CDC73: variants seen among roughly 807,000 people sequenced by gnomAD.
CDC73 encodes parafibromin.
A neutral mutation model predicts 83.7 loss-of-function variants in CDC73; 21 were observed. The observed-to-expected ratio is 0.25, with a 90% CI of 0.18 to 0.36. CDC73 has a LOEUF of 0.36. CDC73 is among the 10% of genes least tolerant of loss of function. The probability of loss-of-function intolerance (pLI) is 1.00; values close to 1 mark genes in which losing one functional copy is unlikely to be tolerated. For missense variants in CDC73, 342 were observed against 653.3 expected, an observed-to-expected ratio of 0.52 and a Z score of 5.19; for synonymous variants, 224 against 212.9, an observed-to-expected ratio of 1.05 and a Z score of -0.45.
At chr1:193,126,475 A>G (rs768977766) in intron 2 of CDC73, among the ~76,000 whole-genome samples, 9 of 152,204 alleles carry the variant, frequency 5.9e-5, no homozygotes, top group Non-Finnish European at 1.0e-4. Context: ...TTGATAAGTA[A>G]ATAAGATTCA....
intron 11 of CDC73, among the ~76,000 whole-genome samples, chr1:193,211,245 T>C (rs1038335467): frequency 6.6e-6 from 1 of 152,202 alleles, no homozygotes; most frequent in African/African-American, 2.4e-5. Flanking sequence ...ATGTCTCCCA[T>C]AAATTTAATG....
chr1:193,247,600 C>G (rs1343219732), intron 15 of CDC73, among the ~76,000 whole-genome samples: 1 of 152,064 alleles, frequency 6.6e-6, no homozygotes, highest in Non-Finnish European at 1.5e-5. Context: ...TTATGCCAAA[C>G]AGCTAAGTTG....
At chr1:193,128,079 G>A (rs1469506925) in intron 2 of CDC73, 2 of 152,110 alleles carry the variant, frequency 1.3e-5, no homozygotes, top group Non-Finnish European at 2.9e-5. Context: ...GTGAGCCACT[G>A]CGTCCGGCTG....
At chr1:193,125,714 C>T (rs1421167964) in intron 2 of CDC73, among the ~76,000 whole-genome samples, 1 of 151,544 alleles carries the variant, frequency 6.6e-6, no homozygotes, top group African/African-American at 2.4e-5. Context: ...GAAACTGGGA[C>T]TATAGGCATG....
chr1:193,205,933 A>C (rs1363213313), intron 11 of CDC73, among the ~76,000 whole-genome samples: 1 of 152,108 alleles, frequency 6.6e-6, no homozygotes, highest in African/African-American at 2.4e-5. Context: ...TTTCTTTGTA[A>C]GGTAGGGATG....
At chr1:193,225,820 T>C (rs1233131984) in intron 13 of CDC73, among the ~76,000 whole-genome samples, 1 of 152,260 alleles carries the variant, frequency 6.6e-6, no homozygotes, top group East Asian at 1.9e-4. Flanking sequence ...GTCAGAGGTA[T>C]AGATTATGAA....
chr1:193,168,942 A>G lies in CDC73; in HGVS notation c.972+16498A>G, dbSNP rs149863916. On this transcript the variant is annotated intron_variant, in intron 10 of 16. Transcript: ENST00000367435. Reference sequence around the variant, plus strand: ...ATTTCGTGTAATTTTTACATTTTAAATAATACTTTTGATTATCTAGATTTT... The same window carrying G: ...ATTTCGTGTAATTTTTACATTTTAAGTAATACTTTTGATTATCTAGATTTT... Among the ~76,000 whole-genome samples the G allele has an allele frequency of 6.6e-5, 10 of 152,324 alleles. No individual in the cohort carries two copies. In the East Asian group the frequency reaches 1.9e-3, roughly 29 times the overall value.
intron 15 of CDC73, among the ~76,000 whole-genome samples, chr1:193,240,037 G>A (rs1331243244): frequency 6.6e-6 from 1 of 151,932 alleles, no homozygotes; most frequent in African/African-American, 2.4e-5. Flanking sequence ...CAACCCTCTA[G>A]TATCTTATCA....
intron 10 of CDC73, among the ~76,000 whole-genome samples, chr1:193,194,765 A>G (rs533299665): frequency 1.3e-5 from 2 of 152,130 alleles, no homozygotes; most frequent in Non-Finnish European, 2.9e-5. Context: ...AAGTTTTTCT[A>G]ATATGCAAGA....
chr1:193,249,494 G>A (rs370355709), intron 15 of CDC73, among the ~76,000 whole-genome samples: 2 of 151,798 alleles, frequency 1.3e-5, no homozygotes, highest in South Asian at 4.1e-4. Flanking sequence ...CTGTGATAAC[G>A]TACCAACCTT....
In CDC73 at chr1:193,175,665, A is replaced by G. The variant is rs545319861; in HGVS notation, c.972+23221A>G. Among the ~76,000 whole-genome samples the G allele has an allele frequency of 1.7e-4, 26 of 152,342 alleles. No homozygotes were observed. The South Asian group carries it at 3.9e-3, about 23-fold the overall frequency. The stretch of plus-strand genomic sequence containing the variant: ...ACTATTTACATAGCATTTAAATTGT[A>G]TTAGGTATCATAAGTAATCTAGAGA... On this transcript the variant is annotated intron_variant, in intron 10 of 16. Transcript: ENST00000367435.
rs1465622860 is a variant in CDC73, at chr1:193,122,305, T to G, written c.105T>G (p.Asn35Lys). 1 of 1,613,982 alleles carries G rather than the reference T, an allele frequency of 6.2e-7. No individual in the cohort carries two copies. The highest frequency in any genetic ancestry group is 8.5e-7 in the Non-Finnish European group (1 of 1,179,976). ...VIFGEFSWPK[N>K]VKTNYVVWGT... ...TCGGGGAGTTCTCCTGGCCCAAGAA[T>G]GTGAAGACCAACTATGTTGTTTGGG... Residue 35 changes from asparagine to lysine, a missense_variant, in exon 1 of 17, where the codon AAT becomes AAG. By Grantham distance (94) the Asn-to-Lys change is moderately conservative (BLOSUM62 0). This residue lies in a region of CDC73 where 99 missense variants were observed against 174.5 expected (regional missense o/e 0.57). Coordinates refer to ENST00000367435, the MANE Select transcript of CDC73 (RefSeq NM_024529.5).
At chr1:193,243,776 A>G (rs925552584) in intron 15 of CDC73, among the ~76,000 whole-genome samples, 4 of 152,220 alleles carry the variant, frequency 2.6e-5, no homozygotes, top group African/African-American at 4.8e-5. Context: ...ATTAAATTCA[A>G]AATGAATAAT....
chr1:193,245,054 A>G (rs899397415), intron 15 of CDC73, among the ~76,000 whole-genome samples: 1 of 152,240 alleles, frequency 6.6e-6, no homozygotes. Context: ...TATGGGGTAC[A>G]TAGTGATATT....
intron 10 of CDC73, chr1:193,181,009 A>C: frequency 1.2e-6 from 2 of 1,613,742 alleles, no homozygotes; most frequent in Non-Finnish European, 1.7e-6. Flanking sequence ...TATTCTTGTG[A>C]TTTGAATACC....
At chr1:193,232,929 G>GT (rs1677686087) in intron 13 of CDC73, 64 bp from the exon 14 acceptor site, 7 of 1,380,510 alleles carry the variant, frequency 5.1e-6, no homozygotes, top group Middle Eastern at 1.9e-4. Flanking sequence ...TCAAATTATA[G>GT]TTTATCTTCC....
At chr1:193,184,226 G>A (rs920525986) in intron 10 of CDC73, among the ~76,000 whole-genome samples, 7 of 151,832 alleles carry the variant, frequency 4.6e-5, no homozygotes, top group Non-Finnish European at 5.9e-5. Context: ...TGAAGTGCAT[G>A]TGTCTAGCCT....
At chr1:193,199,105 A>G (rs1397934025) in intron 10 of CDC73, among the ~76,000 whole-genome samples, 1 of 152,254 alleles carries the variant, frequency 6.6e-6, no homozygotes, top group Admixed American at 6.5e-5. Context: ...TGTTAGCAAC[A>G]TATCGTATAC....
intron 13 of CDC73, among the ~76,000 whole-genome samples, chr1:193,216,322 A>G (rs1021109378): frequency 6.6e-6 from 1 of 152,236 alleles, no homozygotes; most frequent in African/African-American, 2.4e-5. Context: ...CCCTGTGCAC[A>G]CAAACTAGAA....
Sources: gnomAD v4.1 joint callset for allele counts (sites outside exome capture counted in the v4.1 genomes callset) on GRCh38, gnomAD v4.1.1 for gene constraint, gnomAD v4.1.1 regional missense constraint, MANE v1.5 for transcripts, NCBI Gene and HGNC (gene_info 2026-07-23, HGNC 2026-07-21) for gene names.